Variants in SLC17A6 observed in about 807,000 individuals in gnomAD.
SLC17A6 encodes the protein vesicular glutamate transporter 2.
SLC17A6 carries 35 observed loss-of-function variants against 67.1 expected under a neutral mutation model. That is an observed-to-expected ratio of 0.52 (90% CI 0.40 to 0.69). The LOEUF is 0.69. SLC17A6 is among the 30% of genes least tolerant of loss of function. The probability of loss-of-function intolerance (pLI) is 0.00; values close to 1 mark genes in which losing one functional copy is unlikely to be tolerated. For synonymous variants in SLC17A6, 285 were observed against 252.3 expected (o/e 1.13, Z -1.23); for missense variants, 588 against 723.9 (o/e 0.81, Z 2.15).
chr11:22,352,763 G>C (rs1039154069), intron 3 of SLC17A6, among the ~76,000 whole-genome samples: 1 of 152,128 alleles, frequency 6.6e-6, no homozygotes, highest in Non-Finnish European at 1.5e-5. Flanking sequence ...TTTTGAGGGT[G>C]GGGGCATGAG....
At chr11:22,351,571 T>G (rs1347684725) in intron 3 of SLC17A6, among the ~76,000 whole-genome samples, 1 of 152,186 alleles carries the variant, frequency 6.6e-6, no homozygotes, top group East Asian at 1.9e-4. Flanking sequence ...ATGTCTGATT[T>G]CAAATTATAT....
intron 5 of SLC17A6, among the ~76,000 whole-genome samples, chr11:22,362,040 C>A (rs1192150174): frequency 6.7e-6 from 1 of 149,822 alleles, no homozygotes; most frequent in Non-Finnish European, 1.5e-5. Flanking sequence ...TTTTTTTTTA[C>A]AATTGCCTTT....
intron 1 of SLC17A6, among the ~76,000 whole-genome samples, chr11:22,339,183 A>ATATATATGTTT (rs1855782640): frequency 4.3e-5 from 1 of 23,190 alleles, no homozygotes; most frequent in African/African-American, 2.4e-4. Flanking sequence ...TATATGTTTT[A>ATATATATGTTT]TATATATATA....
At chr11:22,372,012 T>C (rs1025294404) in intron 8 of SLC17A6, among the ~76,000 whole-genome samples, 1 of 152,062 alleles carries the variant, frequency 6.6e-6, no homozygotes, top group Non-Finnish European at 1.5e-5. Context: ...TATCTCTAAA[T>C]AATGGTATTA....
At chr11:22,352,411 A>G (rs890506338) in intron 3 of SLC17A6, among the ~76,000 whole-genome samples, 2 of 152,240 alleles carry the variant, frequency 1.3e-5, no homozygotes, top group Admixed American at 1.3e-4. Context: ...TCCCTATTAA[A>G]AGCTAGAGAA....
intron 5 of SLC17A6, chr11:22,362,090 G>A (rs935665566): frequency 1.0e-5 from 2 of 190,806 alleles, no homozygotes; most frequent in African/African-American, 4.8e-5. Flanking sequence ...TATAAATTAG[G>A]TGATATTCAC....
intron 3 of SLC17A6, among the ~76,000 whole-genome samples, chr11:22,345,020 A>G (rs1855860984): frequency 6.6e-6 from 1 of 152,204 alleles, no homozygotes; most frequent in South Asian, 2.1e-4. Flanking sequence ...AAAATGATAC[A>G]AGATCTCAAT....
intron 6 of SLC17A6, among the ~76,000 whole-genome samples, chr11:22,363,546 A>G (rs1480682546): frequency 1.3e-5 from 2 of 152,224 alleles, no homozygotes; most frequent in South Asian, 2.1e-4. Flanking sequence ...GGACATTGCC[A>G]TGAGAATCTG....
rs747434062 is a variant in SLC17A6, at chr11:22,360,851, C to G, written c.574-46C>G. On this transcript the variant is annotated intron_variant, in intron 4 of 11. Transcript: ENST00000263160. ...ATTTGTACAGGATACTAAAAAGACT[C>G]TTGATCCTAAATGGTGACAGTGATG... is the stretch of plus-strand genomic sequence containing the variant. 2.6e-6 allele frequency: 4 copies of G among 1,544,312 alleles called. No homozygotes were observed. The African/African-American group carries it at 4.1e-5, about 16-fold the overall frequency.
At chr11:22,361,800 A>T (rs2133870461) in intron 5 of SLC17A6, among the ~76,000 whole-genome samples, 1 of 152,248 alleles carries the variant, frequency 6.6e-6, no homozygotes, top group East Asian at 1.9e-4. Flanking sequence ...TGCACGTTTT[A>T]CTCTTTCTAC....
chr11:22,340,216 A>G (rs1420537921), intron 1 of SLC17A6, among the ~76,000 whole-genome samples: 2 of 152,218 alleles, frequency 1.3e-5, no homozygotes, highest in African/African-American at 4.8e-5. Context: ...CACAGGTGAA[A>G]AGCAATTACA....
chr11:22,341,484 C>A (rs778120058), intron 1 of SLC17A6, 44 bp from the exon 2 acceptor site: 1 of 1,597,060 alleles, frequency 6.3e-7, no homozygotes, highest in Non-Finnish European at 8.5e-7. Context: ...ATCGGGGGTA[C>A]CTAAGCCGCC....
At chr11:22,351,788 A>G (rs1032468848) in intron 3 of SLC17A6, among the ~76,000 whole-genome samples, 1 of 152,196 alleles carries the variant, frequency 6.6e-6, no homozygotes. Flanking sequence ...ATCAGAGAAT[A>G]ACTTTAAAAC....
chr11:22,357,383 G>A (rs1246841544), intron 3 of SLC17A6, among the ~76,000 whole-genome samples: 1 of 152,156 alleles, frequency 6.6e-6, no homozygotes, highest in Non-Finnish European at 1.5e-5. Flanking sequence ...ACTTGATTCA[G>A]CTTTACTAAG....
In SLC17A6 at chr11:22,364,869, G is replaced by A. The variant is rs143931933; in HGVS notation, c.749-678G>A. ...AGAAGAGGATGAAAAAGGATTTACA[G>A]CTTAGGGCCTTGGAATTTATAACTT... On this transcript the variant is annotated intron_variant, in intron 6 of 11. Transcript: ENST00000263160. Among the ~76,000 whole-genome samples, 201 of 152,264 alleles carry A rather than the reference G, an allele frequency of 1.3e-3. 1 individual carries two copies. The highest frequency in any genetic ancestry group is 4.4e-3 in the African/African-American group (182 of 41,554).
intron 3 of SLC17A6, among the ~76,000 whole-genome samples, chr11:22,346,980 T>C (rs1273426653): frequency 6.6e-6 from 1 of 151,644 alleles, no homozygotes; most frequent in Non-Finnish European, 1.5e-5. Flanking sequence ...ATTTAGGTGG[T>C]GATATTATTT....
In SLC17A6 at chr11:22,338,812, G is replaced by GGTGTGTGTGTGTGT. The variant is rs3047441; in HGVS notation, c.86+220_86+233dup. Among the ~76,000 whole-genome samples the GGTGTGTGTGTGTGT allele has an allele frequency of 2.8e-4, 38 of 136,244 alleles. 2 individuals carry two copies. The highest frequency in any genetic ancestry group is 9.0e-4 in the African/African-American group (32 of 35,406). 89.4% of individuals were successfully genotyped at this position (136,244 alleles called of 152,430 possible). On this transcript the variant is annotated intron_variant, in intron 1 of 11. Coordinates refer to ENST00000263160, the MANE Select transcript of SLC17A6 (RefSeq NM_020346.3). ...AATGTTGCACTAAATGAACCTGTCT[G>GGTGTGTGTGTGTGT]GTGTGTGTGTGTGTGTGTGTGTGTG...
chr11:22,374,643 TTTCC>T, intron 8 of SLC17A6, 108 bp from the exon 9 acceptor site: 1 of 848,798 alleles, frequency 1.2e-6, no homozygotes, highest in Non-Finnish European at 1.7e-6. Context: ...AAAGATTATT[TTTCC>T]TTCCTTTGTC....
Position 22,359,425 on chromosome 11 carries a change from T to C in SLC17A6, c.471T>C (p.Ala157=), listed in dbSNP as rs991078116. ...TTTTCTATTTCAGGGTTTTCGGAGC[T>C]GCCATACTTCTTACCTCTACCCTAA... ...SRLAANRVFG[A]AILLTSTLNM... The change falls in exon 4 of 12, where the codon GCT becomes GCC. Residue 157 remains alanine (A), a synonymous_variant. Transcript: ENST00000263160. The C allele has an allele frequency of 2.5e-6, 4 of 1,575,094 alleles. No individual in the cohort carries two copies. The highest frequency in any genetic ancestry group is 1.7e-4 in the Middle Eastern group (1 of 5,948).
Sources: gnomAD v4.1 joint callset for allele counts (sites outside exome capture counted in the v4.1 genomes callset) on GRCh38, gnomAD v4.1.1 for gene constraint, MANE v1.5 for transcripts, NCBI Gene and HGNC (gene_info 2026-07-23, HGNC 2026-07-21) for gene names.